Variants in CSMD1 observed in about 807,000 individuals in gnomAD.
CSMD1 encodes CUB and Sushi multiple domains 1.
CSMD1 carries 213 observed loss-of-function variants against 417.5 expected under a neutral mutation model. The observed-to-expected ratio is 0.51, with a 90% CI of 0.46 to 0.57. The LOEUF is 0.57. Among genes scored for constraint, CSMD1 ranks in the 20% least tolerant of loss-of-function variants. CSMD1 has a pLI of 0.00. For missense variants in CSMD1, 6,923 were observed against 4,529.7 expected (o/e 1.53, Z -15.17); for synonymous variants, 2,862 against 1,736.8 (o/e 1.65, Z -16.11).
intron 10 of CSMD1, among the ~76,000 whole-genome samples, chr8:3,525,997 G>A (rs1038386573): frequency 3.2e-4 from 49 of 152,218 alleles, no homozygotes; most frequent in African/African-American, 1.2e-3. Context: ...TCTAGGACAA[G>A]CAAACATGGG....
intron 1 of CSMD1, among the ~76,000 whole-genome samples, chr8:4,768,878 C>G (rs1018315292): frequency 1.3e-5 from 2 of 152,132 alleles, no homozygotes; most frequent in Admixed American, 6.6e-5. Flanking sequence ...TCCACTTCTC[C>G]CCTTTTTCCT....
At chr8:3,262,192 T>A (rs971182398) in intron 26 of CSMD1, among the ~76,000 whole-genome samples, 1,345 of 63,026 alleles carry the variant, frequency 0.021, 90 homozygotes, top group Admixed American at 0.12. Flanking sequence ...TGAATATATA[T>A]ATATATATAT....
intron 3 of CSMD1, among the ~76,000 whole-genome samples, chr8:4,043,846 C>G (rs77878961): frequency 1.5e-4 from 23 of 152,168 alleles, no homozygotes; most frequent in Admixed American, 3.3e-4. Context: ...ATTTCACATA[C>G]AAAAATGATG....
intron 2 of CSMD1, among the ~76,000 whole-genome samples, chr8:4,524,028 T>C (rs1803635948): frequency 6.6e-6 from 1 of 152,118 alleles, no homozygotes; most frequent in African/African-American, 2.4e-5. Context: ...ACATTAAATG[T>C]AGTTTCTGAT....
chr8:4,719,258 T>A (rs1336574823), intron 1 of CSMD1, among the ~76,000 whole-genome samples: 3 of 152,226 alleles, frequency 2.0e-5, no homozygotes, highest in Non-Finnish European at 4.4e-5. Flanking sequence ...TTGTGCAAGT[T>A]ATCTTCAGGA....
At chr8:3,411,832 ATG>A (rs1812750874) in intron 12 of CSMD1, among the ~76,000 whole-genome samples, 1 of 92,554 alleles carries the variant, frequency 1.1e-5, no homozygotes, top group Non-Finnish European at 2.4e-5. Flanking sequence ...ATATGTATAT[ATG>A]CACGTATATA....
intron 26 of CSMD1, among the ~76,000 whole-genome samples, chr8:3,245,350 A>C (rs753548380): frequency 3.3e-5 from 5 of 152,146 alleles, no homozygotes; most frequent in Non-Finnish European, 5.9e-5. Context: ...TTTGCAAAAC[A>C]AAAGTGAGAG....
intron 3 of CSMD1, among the ~76,000 whole-genome samples, chr8:4,294,433 C>T (rs1797553964): frequency 1.3e-5 from 2 of 152,166 alleles, no homozygotes; most frequent in African/African-American, 2.4e-5. Flanking sequence ...TCAGACACTT[C>T]AATTAACATC....
chr8:3,496,751 G>C (rs906855203), intron 10 of CSMD1, among the ~76,000 whole-genome samples: 2 of 152,076 alleles, frequency 1.3e-5, no homozygotes, highest in Admixed American at 6.6e-5. Flanking sequence ...ACTTGAACCT[G>C]GGAGGTGGAG....
intron 1 of CSMD1, among the ~76,000 whole-genome samples, chr8:4,832,785 CCA>C (rs1321180188): frequency 2.6e-5 from 4 of 151,872 alleles, no homozygotes; most frequent in Non-Finnish European, 5.9e-5. Flanking sequence ...AAAAGTGGAC[CCA>C]GAGAGCCGAG....
chr8:3,757,416 A>G (rs1235042004), intron 5 of CSMD1, among the ~76,000 whole-genome samples: 1 of 152,168 alleles, frequency 6.6e-6, no homozygotes, highest in Non-Finnish European at 1.5e-5. Flanking sequence ...TGAGATTTTA[A>G]TTTTTATACA....
chr8:4,191,188 A>C (rs1179428539), intron 3 of CSMD1, among the ~76,000 whole-genome samples: 1 of 152,172 alleles, frequency 6.6e-6, no homozygotes, highest in Admixed American at 6.5e-5. Flanking sequence ...CGACGTCAGG[A>C]GATTGAGACC....
At chr8:3,218,573 A>AAAAAAT in intron 29 of CSMD1, among the ~76,000 whole-genome samples, 1 of 149,104 alleles carries the variant, frequency 6.7e-6, no homozygotes, top group Non-Finnish European at 1.5e-5. Flanking sequence ...AAATAAAAAA[A>AAAAAAT]AAAAGAAATT....
At chr8:3,528,568 G>A (rs933978672) in intron 10 of CSMD1, among the ~76,000 whole-genome samples, 1 of 152,104 alleles carries the variant, frequency 6.6e-6, no homozygotes, top group Admixed American at 6.5e-5. Flanking sequence ...AAAGTGTTTT[G>A]GTTCAGTAAA....
chr8:3,550,789 TCA>T (rs1798876406), intron 10 of CSMD1, among the ~76,000 whole-genome samples: 2 of 152,190 alleles, frequency 1.3e-5, no homozygotes, highest in African/African-American at 2.4e-5. Flanking sequence ...CCTTCCTGGG[TCA>T]CAGACAGGCA....
At chr8:4,690,886 G>C (rs888316446) in intron 1 of CSMD1, among the ~76,000 whole-genome samples, 1 of 152,090 alleles carries the variant, frequency 6.6e-6, no homozygotes, top group African/African-American at 2.4e-5. Context: ...ATGTCACCAT[G>C]CCCGGCTAAT....
At chr8:3,868,969 C>G (rs575809081) in intron 5 of CSMD1, among the ~76,000 whole-genome samples, 1 of 152,322 alleles carries the variant, frequency 6.6e-6, no homozygotes, top group South Asian at 2.1e-4. Flanking sequence ...AGTCACATAA[C>G]TCTTCTGCTC....
chr8:3,913,196 G>C (rs1808577369), intron 5 of CSMD1, among the ~76,000 whole-genome samples: 1 of 152,082 alleles, frequency 6.6e-6, no homozygotes, highest in South Asian at 2.1e-4. Flanking sequence ...GAATATATTG[G>C]TTGGAGGTCA....
At chr8:3,802,984 G>C (rs1388644874) in intron 5 of CSMD1, among the ~76,000 whole-genome samples, 2 of 152,136 alleles carry the variant, frequency 1.3e-5, no homozygotes, top group African/African-American at 4.8e-5. Flanking sequence ...ATGTTGTAGG[G>C]TGAAATATTT....
Sources: gnomAD v4.1 joint callset for allele counts (sites outside exome capture counted in the v4.1 genomes callset) on GRCh38, gnomAD v4.1.1 for gene constraint, MANE v1.5 for transcripts, NCBI Gene and HGNC (gene_info 2026-07-23, HGNC 2026-07-21) for gene names.